The following SLC27A6 variants were observed in gnomAD, a reference collection of about 807,000 sequenced individuals.
The protein encoded by SLC27A6 is long-chain fatty acid transport protein 6.
In SLC27A6, 74 loss-of-function variants were observed where a neutral mutation model predicts 63.9. The ratio of observed to expected loss-of-function variants is 1.16; its 90% CI spans 0.96 to 1.40. SLC27A6 has a LOEUF of 1.40. SLC27A6 is among the 40% of genes most tolerant of loss of function. SLC27A6 has a pLI of 0.00. For synonymous variants in SLC27A6, 287 were observed against 260.8 expected, an observed-to-expected ratio of 1.10 and a Z score of -0.97; for missense variants, 794 against 732.9, an observed-to-expected ratio of 1.08 and a Z score of -0.96.
chr5:128,970,044 C>T (rs201756527), intron 1 of SLC27A6, among the ~76,000 whole-genome samples: 4 of 151,492 alleles, frequency 2.6e-5, no homozygotes, highest in Admixed American at 2.6e-4. Flanking sequence ...GTCTTTGGTT[C>T]TGTTTATATG....
chr5:129,023,655 T>A lies in SLC27A6; in HGVS notation c.1200T>A (p.Phe400Leu). 6.2e-7 allele frequency: 1 copy of A among 1,610,068 alleles called. No homozygotes were observed. The highest frequency in any genetic ancestry group is 8.5e-7 in the Non-Finnish European group (1 of 1,178,570). The change falls in exon 6 of 10, where the codon TTT becomes TTA. Residue 400 changes from phenylalanine (F) to leucine (L), a missense_variant. By Grantham distance (22) the Phe-to-Leu change is conservative. Transcript: ENST00000262462. ...CTTTTGACTTAATAAAGTATGACTT[T>A]CAGAAAGATGAACCCATGAGAAATG... ...LSTFDLIKYD[F>L]QKDEPMRNEQ...
At chr5:129,032,957 T>C in intron 9 of SLC27A6, 149 bp from the exon 10 acceptor site, 1 of 435,374 alleles carries the variant, frequency 2.3e-6, no homozygotes, top group Non-Finnish European at 3.9e-6. Flanking sequence ...TAAAATACAT[T>C]TTTTATTTCT....
rs1752316213 is a variant in SLC27A6 at position 129,028,438 on chromosome 5, A to G, written c.1548A>G (p.Ile516Met). The change falls in exon 8 of 10, where the codon ATA becomes ATG. Residue 516 changes from isoleucine (I) to methionine (M), a missense_variant. By Grantham distance (10) the Ile-to-Met change is conservative (BLOSUM62 1). Coordinates refer to ENST00000262462, the MANE Select transcript of SLC27A6 (RefSeq NM_001017372.3). ...AAGCAAACGTCTATGGTGTGGCTATATCAGGTATAAATATATTTCAGATTT... is the reference window on the plus strand; with the variant it reads ...AAGCAAACGTCTATGGTGTGGCTATGTCAGGTATAAATATATTTCAGATTT... The part of the protein sequence containing the change: ...IQEANVYGVA[I>M]SGYEGRAGMA... The G allele has an allele frequency of 1.9e-6, 3 of 1,571,226 alleles. No homozygotes were observed. The highest frequency in any genetic ancestry group is 2.6e-6 in the Non-Finnish European group (3 of 1,143,612).
At chr5:129,007,736 A>G (rs1751592980) in intron 4 of SLC27A6, among the ~76,000 whole-genome samples, 1 of 152,056 alleles carries the variant, frequency 6.6e-6, no homozygotes, top group South Asian at 2.1e-4. Context: ...ACATATCCAT[A>G]AAAATATTTA....
intron 1 of SLC27A6, among the ~76,000 whole-genome samples, chr5:128,977,429 A>C (rs1380387795): frequency 6.6e-6 from 1 of 152,092 alleles, no homozygotes; most frequent in African/African-American, 2.4e-5. Context: ...AAGGTACTCA[A>C]AGTAGATGGA....
intron 9 of SLC27A6, among the ~76,000 whole-genome samples, chr5:129,032,515 C>T (rs1453178109): frequency 6.6e-6 from 1 of 151,944 alleles, no homozygotes; most frequent in Non-Finnish European, 1.5e-5. Flanking sequence ...AACTGTGAAC[C>T]TTGAGCTAGT....
At chr5:129,011,659 G>A (rs570492007) in intron 4 of SLC27A6, among the ~76,000 whole-genome samples, 1 of 152,234 alleles carries the variant, frequency 6.6e-6, no homozygotes, top group African/African-American at 2.4e-5. Context: ...CATCCTATGG[G>A]GAATGCAGAG....
intron 4 of SLC27A6, among the ~76,000 whole-genome samples, chr5:129,013,211 C>T (rs1049905622): frequency 2.0e-5 from 3 of 152,024 alleles, no homozygotes; most frequent in Non-Finnish European, 2.9e-5. Flanking sequence ...CTTTATAATG[C>T]AAGAACTTTG....
In SLC27A6 at chr5:128,966,564, TC is replaced by T; in HGVS notation, c.430del (p.Leu144SerfsTer2). 6.4e-7 allele frequency: 1 copy of T among 1,565,976 alleles called. No individual in the cohort carries two copies. The highest frequency in any genetic ancestry group is 8.6e-7 in the Non-Finnish European group (1 of 1,161,770). On this transcript the variant is annotated frameshift_variant, in exon 1 of 10. Coordinates refer to ENST00000262462, the MANE Select transcript of SLC27A6 (RefSeq NM_001017372.3). LOFTEE classifies it high-confidence loss of function. ...AFLNTNIRSNSLLNCIRACGP... is the reference protein window; with the variant it reads ...AFLNTNIRSNXLLNCIRACGP... ...TCTCAACACCAACATTCGCTCCAACTCCCTCCTGAATTGCATCCGCGCCTGT... is the reference window on the plus strand; with the variant it reads ...TCTCAACACCAACATTCGCTCCAACTCCTCCTGAATTGCATCCGCGCCTGT...
At chr5:128,998,476 T>C (rs1218316693) in intron 4 of SLC27A6, among the ~76,000 whole-genome samples, 1 of 151,982 alleles carries the variant, frequency 6.6e-6, no homozygotes, top group African/African-American at 2.4e-5. Flanking sequence ...ATTGTAAAAT[T>C]CCATATAAAT....
chr5:128,995,664 A>T (rs1044869378), intron 4 of SLC27A6, among the ~76,000 whole-genome samples: 1 of 152,160 alleles, frequency 6.6e-6, no homozygotes, highest in African/African-American at 2.4e-5. Context: ...CCGTCATGAC[A>T]GAAGAAACTC....
intron 1 of SLC27A6, among the ~76,000 whole-genome samples, chr5:128,971,516 C>T (rs1017814952): frequency 7.1e-6 from 1 of 141,042 alleles, no homozygotes; most frequent in Non-Finnish European, 1.6e-5. Flanking sequence ...TATGTAAGGG[C>T]CTTCTTTGTC....
intron 9 of SLC27A6, among the ~76,000 whole-genome samples, chr5:129,031,383 AG>A (rs1752409300): frequency 6.6e-6 from 1 of 152,058 alleles, no homozygotes; most frequent in African/African-American, 2.4e-5. Flanking sequence ...AAAAAATGGA[AG>A]AAGCCTTTTT....
chr5:128,992,186 A>ACTTATCACCTCTGCC (rs1561618828), intron 4 of SLC27A6, among the ~76,000 whole-genome samples: 2 of 57,440 alleles, frequency 3.5e-5, no homozygotes, highest in African/African-American at 1.8e-4. Flanking sequence ...AGGATCTCTC[A>ACTTATCACCTCTGCC]ATAGAGTAGG....
chr5:129,003,830 T>C (rs1419014400), intron 4 of SLC27A6, among the ~76,000 whole-genome samples: 1 of 151,586 alleles, frequency 6.6e-6, no homozygotes, highest in African/African-American at 2.4e-5. Context: ...TAGCTAGGTG[T>C]GGTGGTGCAT....
intron 4 of SLC27A6, among the ~76,000 whole-genome samples, chr5:129,012,708 T>C (rs185169679): frequency 6.6e-6 from 1 of 152,130 alleles, no homozygotes; most frequent in Admixed American, 6.6e-5. Flanking sequence ...TCTCCAGAAA[T>C]GTTGCTTTAC....
At chr5:128,973,489 C>T (rs58361768) in intron 1 of SLC27A6, among the ~76,000 whole-genome samples, 4,819 of 152,282 alleles carry the variant, frequency 0.032, 251 homozygotes, top group African/African-American at 0.11. Flanking sequence ...GTGGACTCCC[C>T]TCCCCTAGCC....
intron 4 of SLC27A6, among the ~76,000 whole-genome samples, chr5:129,000,566 A>C (rs1361280055): frequency 1.3e-5 from 2 of 152,258 alleles, no homozygotes; most frequent in East Asian, 3.9e-4. Context: ...GAATTTGGAT[A>C]AATCAAAGTT....
At chr5:129,022,546 CCATT>C (rs1752108615) in intron 5 of SLC27A6, among the ~76,000 whole-genome samples, 1 of 152,118 alleles carries the variant, frequency 6.6e-6, no homozygotes. Flanking sequence ...TGCTTTCCCC[CCATT>C]CATCTTTCCT....
Sources: allele counts gnomAD v4.1 joint callset (sites outside exome capture counted in the v4.1 genomes callset), GRCh38; gene constraint gnomAD v4.1.1; transcripts MANE v1.5; gene names NCBI Gene and HGNC (gene_info 2026-07-23, HGNC 2026-07-21).